SNX13: variants seen among roughly 807,000 people sequenced by gnomAD.
SNX13 encodes the protein sorting nexin-13.
SNX13 carries 45 observed loss-of-function variants against 133.6 expected under a neutral mutation model. That is an observed-to-expected ratio of 0.34 (90% CI 0.27 to 0.43). SNX13 has a LOEUF of 0.43. SNX13 is among the 20% of genes least tolerant of loss of function. The pLI, the probability that SNX13 is intolerant of heterozygous loss-of-function variation, is 1.00. For missense variants in SNX13, 1,032 were observed against 1,145.1 expected, an observed-to-expected ratio of 0.90 and a Z score of 1.43; for synonymous variants, 414 against 373.9, an observed-to-expected ratio of 1.11 and a Z score of -1.24.
chr7:17,895,710 T>C (rs1448521086), intron 2 of SNX13, among the ~76,000 whole-genome samples: 7 of 152,150 alleles, frequency 4.6e-5, no homozygotes, highest in Admixed American at 2.0e-4. Flanking sequence ...CTCATGACTT[T>C]AAAAATGAAT....
intron 1 of SNX13, among the ~76,000 whole-genome samples, chr7:17,930,506 C>T (rs1801276872): frequency 6.6e-6 from 1 of 152,066 alleles, no homozygotes; most frequent in Non-Finnish European, 1.5e-5. Context: ...GTGTTAGTGC[C>T]TATTATATGA....
intron 8 of SNX13, among the ~76,000 whole-genome samples, chr7:17,872,867 A>G (rs1237369879): frequency 6.6e-6 from 1 of 152,212 alleles, no homozygotes; most frequent in Non-Finnish European, 1.5e-5. Context: ...AGCCAAAGAC[A>G]AATGTTATTC....
intron 1 of SNX13, among the ~76,000 whole-genome samples, chr7:17,937,898 C>T (rs1426483136): frequency 1.3e-5 from 2 of 152,176 alleles, no homozygotes; most frequent in Non-Finnish European, 2.9e-5. Flanking sequence ...TTTCTGAGCA[C>T]AGTAAATGCT....
At chr7:17,877,754 G>A (rs570710181) in intron 5 of SNX13, among the ~76,000 whole-genome samples, 1 of 152,022 alleles carries the variant, frequency 6.6e-6, no homozygotes, top group South Asian at 2.1e-4. Flanking sequence ...TTTTAAATTT[G>A]ATGTACAGAT....
At position 17,794,950 on chromosome 7, in the gene SNX13, G is replaced by A. The variant is rs563563464; in HGVS notation, c.2627-658C>T. On this transcript the variant is annotated intron_variant, in intron 25 of 25. Transcript: ENST00000428135. ...GATAACAAAGAAAAGTTCCCTTTAA[G>A]GAAGTGGCAGGTAAAGGAGACTTTC... 2.0e-5 allele frequency: 3 copies of A among 151,822 alleles called. No homozygotes were observed. In the East Asian group the frequency reaches 5.8e-4, roughly 29 times the overall value. 9.4% of individuals were successfully genotyped at this position (151,822 alleles called of 1,614,324 possible).
intron 9 of SNX13, among the ~76,000 whole-genome samples, chr7:17,864,575 C>T (rs758024251): frequency 6.6e-6 from 1 of 152,074 alleles, no homozygotes; most frequent in South Asian, 2.1e-4. Flanking sequence ...AAGAGAGAGA[C>T]TGGGTAAAAA....
chr7:17,908,810 T>C (rs973677646), intron 1 of SNX13, among the ~76,000 whole-genome samples: 1 of 152,188 alleles, frequency 6.6e-6, no homozygotes, highest in African/African-American at 2.4e-5. Context: ...AAATGACATA[T>C]GCTTCAGTTA....
At chr7:17,834,965 G>T in intron 13 of SNX13, 100 bp from the exon 14 acceptor site, 1 of 695,008 alleles carries the variant, frequency 1.4e-6, no homozygotes, top group Non-Finnish European at 2.3e-6. Context: ...GAAAATAACT[G>T]GCAGGTAAGA....
intron 8 of SNX13, among the ~76,000 whole-genome samples, chr7:17,871,045 G>A (rs373481665): frequency 2.0e-4 from 30 of 150,404 alleles, no homozygotes; most frequent in South Asian, 4.2e-4. Context: ...TGGCTCTGTC[G>A]CCCAGGCTGG....
At chr7:17,800,595 A>C (rs1207246508) in intron 22 of SNX13, among the ~76,000 whole-genome samples, 1 of 151,858 alleles carries the variant, frequency 6.6e-6, no homozygotes, top group East Asian at 1.9e-4. Context: ...CAATAGGCAC[A>C]GATAACATAT....
At chr7:17,799,779 A>G (rs1784422496) in intron 22 of SNX13, among the ~76,000 whole-genome samples, 1 of 151,840 alleles carries the variant, frequency 6.6e-6, no homozygotes, top group African/African-American at 2.4e-5. Context: ...GTATACAACC[A>G]CTAAGGTAAA....
At chr7:17,862,402 T>G (rs779922831) in intron 9 of SNX13, among the ~76,000 whole-genome samples, 2 of 152,208 alleles carry the variant, frequency 1.3e-5, no homozygotes, top group Admixed American at 1.3e-4. Flanking sequence ...AAAAACATAC[T>G]ATTTTATTAC....
At position 17,875,379 on chromosome 7, in the gene SNX13, G is replaced by A. The variant is rs900004411; in HGVS notation, c.664+101C>T. 1.4e-5 allele frequency: 11 copies of A among 814,704 alleles called. No homozygotes were observed. In the African/African-American group the frequency reaches 1.7e-4, roughly 13 times the overall value. The allele number at this position is 814,704 out of a possible 1,614,324, so 50.5% of individuals were successfully genotyped here. A position where few individuals can be genotyped will look rare whatever the true frequency, so the allele number is the denominator to read the frequency against. On this transcript the variant is annotated intron_variant, in intron 7 of 25. Transcript: ENST00000428135. ...GAATAGCATCTTTACTATGCTACCT[G>A]CCCTAAGTAAGAATAATTTTACCCT...
intron 7 of SNX13, 48 bp downstream of exon 7, chr7:17,875,432 T>G (rs1794613851): frequency 6.6e-7 from 1 of 1,516,044 alleles, no homozygotes; most frequent in East Asian, 2.3e-5. Flanking sequence ...TCTGCTAACT[T>G]GACTCTAGCC....
At chr7:17,915,982 T>C (rs532780071) in intron 1 of SNX13, among the ~76,000 whole-genome samples, 27 of 152,074 alleles carry the variant, frequency 1.8e-4, no homozygotes, top group Non-Finnish European at 3.7e-4. Flanking sequence ...GGACTAAAAA[T>C]AGAAATTAAT....
At chr7:17,916,633 T>C (rs952780498) in intron 1 of SNX13, among the ~76,000 whole-genome samples, 3 of 151,122 alleles carry the variant, frequency 2.0e-5, no homozygotes, top group Non-Finnish European at 4.4e-5. Context: ...AACAGATCGA[T>C]AACAAGTTCC....
intron 1 of SNX13, among the ~76,000 whole-genome samples, chr7:17,914,073 GA>G (rs1203782187): frequency 1.3e-5 from 2 of 151,522 alleles, no homozygotes; most frequent in African/African-American, 4.9e-5. Context: ...GTCTGGAATT[GA>G]AAAATTTCAA....
At chr7:17,830,296 T>C in intron 15 of SNX13, 2 of 984,214 alleles carry the variant, frequency 2.0e-6, no homozygotes, top group East Asian at 2.3e-4. Context: ...CAAAAAGGCA[T>C]TCGTGTTCAG....
intron 1 of SNX13, among the ~76,000 whole-genome samples, chr7:17,934,722 G>A (rs751677078): frequency 6.6e-6 from 1 of 152,060 alleles, no homozygotes; most frequent in Admixed American, 6.5e-5. Flanking sequence ...ATGGGCAAAG[G>A]GCTTGAATAG....
Sources: gnomAD v4.1 joint callset for allele counts (sites outside exome capture counted in the v4.1 genomes callset) on GRCh38, gnomAD v4.1.1 for gene constraint, MANE v1.5 for transcripts, NCBI Gene and HGNC (gene_info 2026-07-23, HGNC 2026-07-21) for gene names.